Variants in TRIM71 observed in about 807,000 individuals in gnomAD.
The protein encoded by TRIM71 is E3 ubiquitin-protein ligase TRIM71.
In TRIM71, 9 loss-of-function variants were observed where a neutral mutation model predicts 61.2. That is an observed-to-expected ratio of 0.15 (90% CI 0.09 to 0.26). The LOEUF (loss-of-function observed/expected upper bound fraction) is 0.26, where lower values mean the gene tolerates loss of function less well. Ranked by LOEUF, TRIM71 falls within the 10% of genes least tolerant of loss-of-function variation. The probability of loss-of-function intolerance (pLI) is 1.00; values close to 1 mark genes in which losing one functional copy is unlikely to be tolerated. For synonymous variants in TRIM71, 645 were observed against 553.2 expected, an observed-to-expected ratio of 1.17 and a Z score of -2.33; for missense variants, 998 against 1,238.7, an observed-to-expected ratio of 0.81 and a Z score of 2.92.
intron 1 of TRIM71, among the ~76,000 whole-genome samples, chr3:32,830,936 C>G (rs1467754840): frequency 6.6e-6 from 1 of 152,066 alleles, no homozygotes; most frequent in African/African-American, 2.4e-5. Flanking sequence ...TCAGCCTCCC[C>G]AGTAGCTGGG....
At position 32,849,962 on chromosome 3, in the gene TRIM71, G is replaced by A. The variant is rs546090321; in HGVS notation, c.853-23856G>A. 2.3e-4 allele frequency among the ~76,000 whole-genome samples: 35 copies of A among 152,292 alleles called. No homozygotes were observed. In the South Asian group the frequency reaches 3.5e-3, roughly 15 times the overall value. On this transcript the variant is annotated intron_variant, in intron 1 of 3. Transcript: ENST00000383763. ...CTCCTAAGATTGTGTGGCTCAAAGC[G>A]TTCTTGGGGTATGTCTTCAGTGTCT...
chr3:32,868,644 T>A (rs1023183207), intron 1 of TRIM71, among the ~76,000 whole-genome samples: 2 of 152,012 alleles, frequency 1.3e-5, no homozygotes, highest in African/African-American at 2.4e-5. Context: ...AGCTTTTTTT[T>A]TTTTCATGGT....
intron 1 of TRIM71, among the ~76,000 whole-genome samples, chr3:32,843,913 C>T (rs1194934060): frequency 6.6e-6 from 1 of 151,130 alleles, no homozygotes; most frequent in Non-Finnish European, 1.5e-5. Flanking sequence ...TCCATAAATC[C>T]TGCTGGATTT....
At chr3:32,837,316 G>T (rs1696345828) in intron 1 of TRIM71, among the ~76,000 whole-genome samples, 1 of 152,128 alleles carries the variant, frequency 6.6e-6, no homozygotes, top group Non-Finnish European at 1.5e-5. Context: ...CAAGATATAG[G>T]ACATTTCCAC....
intron 1 of TRIM71, among the ~76,000 whole-genome samples, chr3:32,851,848 T>C (rs9850378): frequency 0.014 from 2,114 of 152,254 alleles, 57 homozygotes; most frequent in African/African-American, 0.049. Context: ...ACTTAATTAT[T>C]TCAAACTTAA....
rs1160330971 is a variant in TRIM71 at position 32,891,142 on chromosome 3, G to A, written c.1938G>A (p.Leu646=). The A allele has an allele frequency of 6.2e-6, 10 of 1,612,644 alleles. No individual in the cohort carries two copies. The highest frequency in any genetic ancestry group is 7.6e-6 in the Non-Finnish European group (9 of 1,180,022). The change falls in exon 4 of 4, where the codon CTG becomes CTA. Residue 646 remains leucine (L), a synonymous_variant. Transcript: ENST00000383763. The surrounding 1 kb of genome is among the most constrained non-coding windows in gnomAD (Gnocchi z 8.2). ...CGAFHHKFGT[L]GSRPGQFDRP... The stretch of plus-strand genomic sequence containing the variant: ...CCTTCCACCACAAATTCGGCACCCT[G>A]GGCTCCCGGCCTGGGCAGTTCGACC...
At chr3:32,885,396 C>T (rs145219894) in intron 2 of TRIM71, among the ~76,000 whole-genome samples, 261 of 152,218 alleles carry the variant, frequency 1.7e-3, no homozygotes, top group African/African-American at 6.1e-3. Flanking sequence ...TTAGGTAGAT[C>T]GGGGGATATT....
At chr3:32,882,421 T>C (rs1253072937) in intron 2 of TRIM71, among the ~76,000 whole-genome samples, 3 of 152,170 alleles carry the variant, frequency 2.0e-5, no homozygotes, top group Admixed American at 6.5e-5. Context: ...AGTTCTACTC[T>C]TTGGGCTCTA....
Position 32,891,721 on chromosome 3 carries a change from G to A in TRIM71, c.2517G>A (p.Gly839=), listed in dbSNP as rs1273335758. 6.2e-7 allele frequency: 1 copy of A among 1,614,160 alleles called. No individual in the cohort carries two copies. The highest frequency in any genetic ancestry group is 1.7e-5 in the Admixed American group (1 of 60,022). Residue 839 remains glycine (G), a synonymous_variant, in exon 4 of 4, where the codon GGG becomes GGA. Coordinates refer to ENST00000383763, the MANE Select transcript of TRIM71 (RefSeq NM_001039111.3). The surrounding 1 kb of genome is among the most constrained non-coding windows in gnomAD (Gnocchi z 8.2). ...TTGGTGCTCAAGGCAGCGGCTTTGG[G>A]CAGATGGACCGCCCTTCCGGCATCG... is the stretch of plus-strand genomic sequence containing the variant. The part of the protein sequence containing the change: ...CKFGAQGSGF[G]QMDRPSGIAI...
chr3:32,831,438 G>A (rs541829633), intron 1 of TRIM71, among the ~76,000 whole-genome samples: 1 of 151,822 alleles, frequency 6.6e-6, no homozygotes, highest in South Asian at 2.1e-4. Flanking sequence ...GCCCATAACT[G>A]TAAATAATCA....
intron 1 of TRIM71, among the ~76,000 whole-genome samples, chr3:32,857,944 C>CT (rs1367980981): frequency 2.6e-5 from 4 of 152,058 alleles, no homozygotes; most frequent in African/African-American, 9.7e-5. Context: ...GCACTCTAGC[C>CT]TGGGTGATAG....
chr3:32,840,130 C>T (rs893574824), intron 1 of TRIM71, among the ~76,000 whole-genome samples: 6 of 152,160 alleles, frequency 3.9e-5, no homozygotes, highest in Admixed American at 1.3e-4. Context: ...TGTTCATCTC[C>T]TGCTCATCTG....
At chr3:32,850,909 A>C (rs1172119320) in intron 1 of TRIM71, among the ~76,000 whole-genome samples, 1 of 152,188 alleles carries the variant, frequency 6.6e-6, no homozygotes, top group Non-Finnish European at 1.5e-5. Context: ...CACCCACCTC[A>C]TTCTAATGAG....
chr3:32,835,483 G>A (rs1288138622), intron 1 of TRIM71, among the ~76,000 whole-genome samples: 1 of 152,092 alleles, frequency 6.6e-6, no homozygotes, highest in African/African-American at 2.4e-5. Context: ...GAAAAAGGGA[G>A]GGAAGGGGTT....
chr3:32,872,351 G>A (rs910873837), intron 1 of TRIM71, among the ~76,000 whole-genome samples: 3 of 152,054 alleles, frequency 2.0e-5, no homozygotes, highest in Non-Finnish European at 4.4e-5. Flanking sequence ...AGTAACTTCT[G>A]TGTGCTTGAG....
At chr3:32,841,678 G>A (rs1006164560) in intron 1 of TRIM71, among the ~76,000 whole-genome samples, 4 of 152,090 alleles carry the variant, frequency 2.6e-5, no homozygotes, top group Admixed American at 6.6e-5. Flanking sequence ...GTTTAGTGCC[G>A]TACATTCTTT....
intron 1 of TRIM71, among the ~76,000 whole-genome samples, chr3:32,828,951 A>G (rs1198914322): frequency 6.6e-6 from 1 of 151,592 alleles, no homozygotes; most frequent in Non-Finnish European, 1.5e-5. Flanking sequence ...CTCCTAGAGT[A>G]CTGGGGTTAC....
intron 2 of TRIM71, 99 bp from the exon 3 acceptor site, chr3:32,885,835 G>C (rs1696955706): frequency 2.7e-6 from 4 of 1,487,022 alleles, no homozygotes; most frequent in Non-Finnish European, 2.7e-6. Context: ...GGAACCCAGG[G>C]TGTCAGCTTT....
At chr3:32,864,023 T>C (rs907838640) in intron 1 of TRIM71, among the ~76,000 whole-genome samples, 29 of 152,200 alleles carry the variant, frequency 1.9e-4, no homozygotes, top group African/African-American at 7.0e-4. Flanking sequence ...GTTGTGTGTA[T>C]GTACCACGGT....
Sources: gnomAD v4.1 joint callset for allele counts (sites outside exome capture counted in the v4.1 genomes callset) on GRCh38, gnomAD v4.1.1 for gene constraint, Gnocchi (gnomAD v3.1) non-coding constraint, MANE v1.5 for transcripts, NCBI Gene and HGNC (gene_info 2026-07-23, HGNC 2026-07-21) for gene names.